ANO10: variants seen among roughly 807,000 people sequenced by gnomAD.
ANO10 encodes anoctamin-10.
ANO10 carries 77 observed loss-of-function variants against 74.7 expected under a neutral mutation model. The ratio of observed to expected loss-of-function variants is 1.03; its 90% confidence interval spans 0.86 to 1.25. The LOEUF (loss-of-function observed/expected upper bound fraction) is 1.25. ANO10 is among the 50% of genes most tolerant of loss of function. The probability of loss-of-function intolerance (pLI) is 0.00; values close to 1 mark genes in which losing one functional copy is unlikely to be tolerated. For missense variants in ANO10, 721 were observed against 778.1 expected, an observed-to-expected ratio of 0.93 and a Z score of 0.87; for synonymous variants, 279 against 284.9, an observed-to-expected ratio of 0.98 and a Z score of 0.21.
At chr3:43,687,706 G>A (rs985007994) in intron 1 of ANO10, among the ~76,000 whole-genome samples, 5 of 152,190 alleles carry the variant, frequency 3.3e-5, no homozygotes, top group African/African-American at 9.7e-5. Context: ...GTCACAAAAA[G>A]GAAGTTAATT....
intron 4 of ANO10, among the ~76,000 whole-genome samples, chr3:43,591,673 C>T (rs915197446): frequency 2.3e-4 from 35 of 152,184 alleles, no homozygotes; most frequent in Non-Finnish European, 1.5e-4. Context: ...CCAGCATGAG[C>T]GGCACAGAAG....
At chr3:43,488,904 A>T (rs2076607617) in intron 11 of ANO10, among the ~76,000 whole-genome samples, 1 of 152,036 alleles carries the variant, frequency 6.6e-6, no homozygotes, top group Non-Finnish European at 1.5e-5. Context: ...ACAATAGCAA[A>T]GACTTGGAAC....
chr3:43,396,084 T>A lies in ANO10; in HGVS notation c.1915-29110A>T, dbSNP rs137945234. 3.0e-3 allele frequency among the ~76,000 whole-genome samples: 451 copies of A among 151,952 alleles called. 2 individuals carry two copies. Among genetic ancestry groups the A allele is most frequent in the African/African-American group, 8.4e-3 (349 of 41,554 alleles). ...TATTAATTTATTTATTTATTTTTTT[T>A]TTTTGCTTGATGGCGCTGGCCAGAA... On this transcript the variant is annotated intron_variant, in intron 12 of 12. Coordinates refer to ENST00000292246, the MANE Select transcript of ANO10 (RefSeq NM_018075.5).
chr3:43,649,577 G>A (rs952845999), intron 1 of ANO10, among the ~76,000 whole-genome samples: 4 of 152,166 alleles, frequency 2.6e-5, no homozygotes, highest in Admixed American at 6.6e-5. Context: ...ACAGCTCTAG[G>A]TGGCAGTAAG....
intron 1 of ANO10, among the ~76,000 whole-genome samples, chr3:43,664,404 A>G (rs1455651131): frequency 2.0e-5 from 3 of 152,034 alleles, no homozygotes; most frequent in Non-Finnish European, 4.4e-5. Context: ...AGACTAAAAC[A>G]TAAGACCTAG....
chr3:43,398,744 C>T (rs141738139), intron 12 of ANO10, among the ~76,000 whole-genome samples: 66 of 152,302 alleles, frequency 4.3e-4, no homozygotes, highest in African/African-American at 1.4e-3. Context: ...ATTCTAGTTC[C>T]GCCTCTTTGA....
chr3:43,589,263 A>C (rs1236602508), intron 4 of ANO10, among the ~76,000 whole-genome samples: 1 of 152,202 alleles, frequency 6.6e-6, no homozygotes, highest in Admixed American at 6.5e-5. Context: ...CATCTTAATA[A>C]AGATGTCATT....
chr3:43,611,256 A>G (rs550317385), intron 1 of ANO10, among the ~76,000 whole-genome samples: 2 of 152,302 alleles, frequency 1.3e-5, no homozygotes, highest in South Asian at 2.1e-4. Context: ...CTGGGGAGAT[A>G]CAAGACAGGG....
chr3:43,444,890 A>G (rs184051652), intron 11 of ANO10, among the ~76,000 whole-genome samples: 16 of 152,084 alleles, frequency 1.1e-4, no homozygotes, highest in Admixed American at 2.0e-4. Context: ...CTGGGAGGCC[A>G]AGGCGGGCGG....
chr3:43,531,867 A>G (rs1039745225), intron 11 of ANO10, among the ~76,000 whole-genome samples: 2 of 151,332 alleles, frequency 1.3e-5, no homozygotes, highest in Non-Finnish European at 2.9e-5. Context: ...CGGCCACTGC[A>G]CTCCAACCTG....
At chr3:43,647,907 C>G (rs1020868836) in intron 1 of ANO10, among the ~76,000 whole-genome samples, 13 of 152,184 alleles carry the variant, frequency 8.5e-5, no homozygotes, top group Admixed American at 7.9e-4. Context: ...AATACATGAA[C>G]AGTGATTAGC....
At chr3:43,675,516 T>C (rs975038321) in intron 1 of ANO10, among the ~76,000 whole-genome samples, 1 of 152,042 alleles carries the variant, frequency 6.6e-6, no homozygotes, top group Admixed American at 6.6e-5. Flanking sequence ...CTACAGAATA[T>C]AAAGAATTCT....
chr3:43,561,572 T>C (rs1575428612), intron 8 of ANO10, among the ~76,000 whole-genome samples, 170 bp from the exon 9 acceptor site: 1 of 152,344 alleles, frequency 6.6e-6, no homozygotes, highest in South Asian at 2.1e-4. Flanking sequence ...TAAAAACTAG[T>C]ATTAGAAAAG....
chr3:43,562,283 T>C (rs1001085296), intron 8 of ANO10, among the ~76,000 whole-genome samples: 3 of 151,464 alleles, frequency 2.0e-5, no homozygotes, highest in East Asian at 3.9e-4. Flanking sequence ...AAATCCTGTC[T>C]CTACTAAAAA....
At chr3:43,394,995 T>C (rs1286312382) in intron 12 of ANO10, among the ~76,000 whole-genome samples, 1 of 152,148 alleles carries the variant, frequency 6.6e-6, no homozygotes, top group Non-Finnish European at 1.5e-5. Context: ...ATGATTTTGC[T>C]GGACTCTTTT....
At chr3:43,593,216 C>A (rs1261191818) in intron 4 of ANO10, among the ~76,000 whole-genome samples, 6 of 152,178 alleles carry the variant, frequency 3.9e-5, no homozygotes, top group African/African-American at 1.4e-4. Flanking sequence ...CTTCCCCAAC[C>A]TAGCAAGGCA....
chr3:43,492,664 C>T (rs867705838), intron 11 of ANO10, among the ~76,000 whole-genome samples: 11 of 152,246 alleles, frequency 7.2e-5, no homozygotes, highest in Middle Eastern at 3.4e-3. Flanking sequence ...GACATTTATG[C>T]GGTGAACAGA....
Position 43,561,252 on chromosome 3 carries a change from C to G in ANO10, c.1444G>C (p.Val482Leu). Residue 482 changes from valine (V) to leucine (L), a missense_variant, in exon 9 of 13, where the codon GTC becomes CTC. Physicochemically the swap from Val to Leu is conservative, Grantham distance 32 (BLOSUM62 1). Transcript: ENST00000292246. The part of the protein sequence containing the change: ...ADIDATLYEQ[V>L]ILEKEMGTYL... ...GTTCCCATTTCTTTTTCCAGGATGACTTGTTCATATAATGTAGCATCAATG... is the reference window on the plus strand; with the variant it reads ...GTTCCCATTTCTTTTTCCAGGATGAGTTGTTCATATAATGTAGCATCAATG... 6.2e-7 allele frequency: 1 copy of G among 1,614,150 alleles called. No homozygotes were observed. The highest frequency in any genetic ancestry group is 8.5e-7 in the Non-Finnish European group (1 of 1,180,010).
chr3:43,608,886 G>A (rs1373168202), intron 1 of ANO10, among the ~76,000 whole-genome samples: 1 of 152,140 alleles, frequency 6.6e-6, no homozygotes, highest in Non-Finnish European at 1.5e-5. Flanking sequence ...GGCCAAGAGT[G>A]TTAAGACAGA....
Sources: allele counts gnomAD v4.1 joint callset (sites outside exome capture counted in the v4.1 genomes callset), GRCh38; gene constraint gnomAD v4.1.1; transcripts MANE v1.5; gene names NCBI Gene and HGNC (gene_info 2026-07-23, HGNC 2026-07-21).